The following USP36 variants were observed in gnomAD, a reference collection of about 807,000 sequenced individuals.
The protein encoded by USP36 is ubiquitin specific peptidase 36.
USP36 carries 59 observed loss-of-function variants against 111.5 expected under a neutral mutation model. The ratio of observed to expected loss-of-function variants is 0.53; its 90% CI spans 0.43 to 0.66. The LOEUF is 0.66. USP36 is among the 30% of genes least tolerant of loss of function. USP36 has a pLI of 0.00. For synonymous variants in USP36, 628 were observed against 581.0 expected (o/e 1.08, Z -1.16); for missense variants, 1,488 against 1,468.0 (o/e 1.01, Z -0.22).
At chr17:78,820,494 G>A (rs1490584998) in intron 8 of USP36, among the ~76,000 whole-genome samples, 1 of 152,176 alleles carries the variant, frequency 6.6e-6, no homozygotes, top group Non-Finnish European at 1.5e-5. Context: ...GCAAAGCAAA[G>A]AAATGACAGC....
At position 78,798,874 on chromosome 17, in the gene USP36, C is replaced by G. The variant is rs2093675677; in HGVS notation, c.3240+34G>C. 1 of 1,611,278 alleles carries G rather than the reference C, an allele frequency of 6.2e-7. No individual in the cohort carries two copies. The highest frequency in any genetic ancestry group is 8.5e-7 in the Non-Finnish European group (1 of 1,177,938). ...CTGAGCTGAGCCACGCCGCCCTGCT[C>G]CCTCAAGCCTGTGGTCAGCATCACA... On this transcript the variant is annotated intron_variant, in intron 19 of 20. Transcript: ENST00000449938. This position sits in a 1 kb window ranked among gnomAD's most constrained non-coding sequence, Gnocchi z 5.1.
chr17:78,789,611 C>T (rs1483899489), intron 3 of USP36, among the ~76,000 whole-genome samples: 2 of 152,196 alleles, frequency 1.3e-5, no homozygotes, highest in African/African-American at 4.8e-5. Flanking sequence ...TGAAAACCCC[C>T]AGATTTTATT....
chr17:78,812,983 T>C lies in USP36; in HGVS notation c.1284A>G (p.Lys428=). The change falls in exon 13 of 21, where the codon AAA becomes AAG. Residue 428 remains lysine (K), a synonymous_variant. Coordinates refer to ENST00000449938, the MANE Select transcript of USP36 (RefSeq NM_001385174.1). The stretch of plus-strand genomic sequence containing the variant: ...TCCTGGAGATGAGGCCCTCGGGACT[T>C]TTCTTAGAGCCTGGAATTCTGTCAA... The part of the protein sequence containing the change: ...LFYLRIPGSK[K]SPEGLISRTG... 1 of 1,614,084 alleles carries C rather than the reference T, an allele frequency of 6.2e-7. No individual in the cohort carries two copies. Among genetic ancestry groups the C allele is most frequent in the Non-Finnish European group, 8.5e-7 (1 of 1,179,998 alleles).
At chr17:78,801,272 G>A (rs1372161981) in intron 17 of USP36, among the ~76,000 whole-genome samples, 3 of 152,266 alleles carry the variant, frequency 2.0e-5, no homozygotes, top group Middle Eastern at 3.4e-3. Flanking sequence ...CACCACCCCC[G>A]GCCAGGGCAG....
At chr17:78,806,656 C>T (rs977632719) in intron 14 of USP36, among the ~76,000 whole-genome samples, 13 of 152,176 alleles carry the variant, frequency 8.5e-5, no homozygotes, top group African/African-American at 3.1e-4. Context: ...GGCCCACCCT[C>T]CCTCGGGTTC....
In USP36 at chr17:78,819,232, A is replaced by C. The variant is rs562315039; in HGVS notation, c.912-454T>G. 3.0e-5 allele frequency: 5 copies of C among 168,866 alleles called. No individual in the cohort carries two copies. The South Asian group carries it at 7.1e-4, about 24-fold the overall frequency. The allele number at this position is 168,866 out of a possible 1,614,324, so 10.5% of individuals were successfully genotyped here. A position where few individuals can be genotyped will look rare whatever the true frequency, so the allele number is the denominator to read the frequency against. On this transcript the variant is annotated intron_variant, in intron 9 of 20. Coordinates refer to ENST00000449938, the MANE Select transcript of USP36 (RefSeq NM_001385174.1). ...GCAGGAAACAGACCTAAAGAAGAGTAAAGCAGAATTAAGAATATATTCTTT... is the reference window on the plus strand; with the variant it reads ...GCAGGAAACAGACCTAAAGAAGAGTCAAGCAGAATTAAGAATATATTCTTT...
chr17:78,810,619 C>G (rs939039934), intron 13 of USP36, among the ~76,000 whole-genome samples: 1 of 152,132 alleles, frequency 6.6e-6, no homozygotes, highest in Non-Finnish European at 1.5e-5. Context: ...CTACAGTGAC[C>G]ACCAACTTTG....
Position 78,803,671 on chromosome 17 carries a change from C to T in USP36, c.2524G>A (p.Gly842Arg), listed in dbSNP as rs773278219. The T allele has an allele frequency of 5.6e-6, 9 of 1,609,536 alleles. No homozygotes were observed. Among genetic ancestry groups the T allele is most frequent in the South Asian group, 3.3e-5 (3 of 90,928 alleles). The change falls in exon 16 of 21, where the codon GGG (glycine) becomes AGG (arginine). Residue 842 changes from glycine to arginine, a missense_variant. By Grantham distance (125) the Gly-to-Arg change is moderately radical (BLOSUM62 -2). Transcript: ENST00000449938. This position sits in a 1 kb window ranked among gnomAD's most constrained non-coding sequence, Gnocchi z 4.6. ...TTCTTCTTCTTCCTCTTCCTCTTCC[C>T]GTGGGGAGCCGCAGTGGCCTCCCTG... ...HIREATAAPH[G>R]KRKRKKKKRP...
chr17:78,806,864 C>A (rs1021390487), intron 14 of USP36, 95 bp downstream of exon 14: 8 of 1,501,726 alleles, frequency 5.3e-6, no homozygotes, highest in South Asian at 1.3e-5. Flanking sequence ...GAGGCCAAAG[C>A]CCCCGGACAA....
Position 78,812,937 on chromosome 17 carries a change from C to T in USP36, c.1330G>A (p.Gly444Ser), listed in dbSNP as rs117840411. The T allele has an allele frequency of 9.2e-3, 14,893 of 1,613,884 alleles. 88 individuals are homozygous for T. The highest frequency in any genetic ancestry group is 0.012 in the Non-Finnish European group (13,760 of 1,179,978). Residue 444 changes from glycine (G) to serine (S), a missense_variant, in exon 13 of 21, where the codon GGC becomes AGC. Physicochemically the swap from Gly to Ser is moderately conservative, Grantham distance 56. This residue lies in a region of USP36 where 1,073 missense variants were observed against 994.1 expected (regional missense o/e 1.08). Coordinates refer to ENST00000449938, the MANE Select transcript of USP36 (RefSeq NM_001385174.1). ...TGATCTGGAATCACACTCGGGCGGCCGGGAAGGGAGGAGGAGCCTGTCCTG... is the reference window on the plus strand; with the variant it reads ...TGATCTGGAATCACACTCGGGCGGCTGGGAAGGGAGGAGGAGCCTGTCCTG... ...ISRTGSSSLP[G>S]RPSVIPDHSK...
intron 6 of USP36, among the ~76,000 whole-genome samples, chr17:78,826,130 C>T (rs755285118): frequency 8.5e-5 from 13 of 152,186 alleles, no homozygotes; most frequent in Non-Finnish European, 1.6e-4. Context: ...GAAGCTTGAG[C>T]CCCTTCAGGA....
intron 3 of USP36, among the ~76,000 whole-genome samples, chr17:78,790,516 C>T (rs1378330820): frequency 6.6e-6 from 1 of 152,034 alleles, no homozygotes; most frequent in Non-Finnish European, 1.5e-5. Flanking sequence ...TGGTTTTGAA[C>T]TCCTGACCTT....
rs932332807 is a variant in USP36, at chr17:78,822,594, C to T, written c.690-590G>A. The stretch of plus-strand genomic sequence containing the variant: ...GAGCCCTGCCCTCATTCATGTCCCC[C>T]GCACCGCTCACTAACTGGGATCTGA... On this transcript the variant is annotated intron_variant, in intron 6 of 20. Transcript: ENST00000449938. Among the ~76,000 whole-genome samples the T allele has an allele frequency of 4.6e-5, 7 of 152,338 alleles. No individual in the cohort carries two copies. In the South Asian group the frequency reaches 6.2e-4, roughly 14 times the overall value.
intron 3 of USP36, 159 bp downstream of exon 3, chr17:78,835,952 T>G (rs1395874954): frequency 9.6e-7 from 1 of 1,037,962 alleles, no homozygotes; most frequent in Non-Finnish European, 1.4e-6. Context: ...CAACCCTGTA[T>G]CATTACTTCT....
rs752986292 is a variant in USP36, at chr17:78,827,123, G to A, written c.689+122C>T. ...AGTACCCAGAGGCAAATTCTGCCAC[G>A]TCTACCCAAGGGCAGCCTGGGTAGA... On this transcript the variant is annotated intron_variant, in intron 6 of 20. Coordinates refer to ENST00000449938, the MANE Select transcript of USP36 (RefSeq NM_001385174.1). 548 of 1,134,372 alleles carry A rather than the reference G, an allele frequency of 4.8e-4. 2 individuals carry two copies. Among genetic ancestry groups the A allele is most frequent in the Admixed American group, 7.8e-4 (39 of 49,954 alleles). 70.3% of individuals were successfully genotyped at this position (1,134,372 alleles called of 1,614,324 possible).
Position 78,818,697 on chromosome 17 carries a change from A to T in USP36, c.993T>A (p.Phe331Leu). ...SNVLTLSLKR[F>L]ANFSGGKITK... is the part of the protein sequence containing the mutation. ...TGATCTTCCCCCCGCTGAAGTTGGC[A>T]AAGCGCTTGAGGGAAAGGGTTAAGA... Residue 331 changes from phenylalanine (F) to leucine (L), a missense_variant, in exon 10 of 21, where the codon TTT becomes TTA. This residue lies in a region of USP36 where 196 missense variants were observed against 264.4 expected (regional missense o/e 0.74). Coordinates refer to ENST00000449938, the MANE Select transcript of USP36 (RefSeq NM_001385174.1). 1 of 1,613,982 alleles carries T rather than the reference A, an allele frequency of 6.2e-7. No homozygotes were observed. The highest frequency in any genetic ancestry group is 8.5e-7 in the Non-Finnish European group (1 of 1,179,868).
At chr17:78,810,350 T>C (rs1456800117) in intron 13 of USP36, among the ~76,000 whole-genome samples, 6 of 152,096 alleles carry the variant, frequency 3.9e-5, no homozygotes, top group Non-Finnish European at 8.8e-5. Flanking sequence ...TGGAGTGGTA[T>C]GATCATGACT....
intron 6 of USP36, among the ~76,000 whole-genome samples, chr17:78,822,602 T>A (rs2094356679): frequency 6.6e-6 from 1 of 152,274 alleles, no homozygotes; most frequent in East Asian, 1.9e-4. Context: ...CCCGCACCGC[T>A]CACTAACTGG....
chr17:78,831,099 G>A (rs1246923876), intron 4 of USP36, among the ~76,000 whole-genome samples: 1 of 151,436 alleles, frequency 6.6e-6, no homozygotes, highest in Non-Finnish European at 1.5e-5. Context: ...GGTGGCACGT[G>A]CCTGTAGTCC....
Sources: allele counts gnomAD v4.1 joint callset (sites outside exome capture counted in the v4.1 genomes callset), GRCh38; gene constraint gnomAD v4.1.1; regional missense constraint gnomAD v4.1.1; non-coding constraint Gnocchi (gnomAD v3.1); transcripts MANE v1.5; gene names NCBI Gene and HGNC (gene_info 2026-07-23, HGNC 2026-07-21).